The following KCNQ1OT1 variants were observed in gnomAD, a reference collection of about 807,000 sequenced individuals.
KCNQ1OT1 encodes the protein KCNQ1 opposite strand/antisense transcript 1.
In KCNQ1OT1 at chr11:2,621,299, A is replaced by T. The variant is rs1849168388; in HGVS notation, n.78696T>A. On this transcript the variant is annotated non_coding_transcript_exon_variant, in exon 1 of 1. Coordinates refer to ENST00000597346, the Ensembl canonical transcript of KCNQ1OT1. The surrounding 1 kb of genome is among the most constrained non-coding windows in gnomAD (Gnocchi z 5.7). ...GGCCTCATTATTTGCATTTCTGATT[A>T]TTAGTGATCATGAGAATGTTTTTTT... 1 of 398,512 alleles carries T rather than the reference A, an allele frequency of 2.5e-6. No homozygotes were observed. Among genetic ancestry groups the T allele is most frequent in the East Asian group, 3.6e-5 (1 of 28,074 alleles). The allele number at this position is 398,512 out of a possible 1,614,324, so 24.7% of individuals were successfully genotyped here.
In KCNQ1OT1 at chr11:2,660,182, T is replaced by C. The variant is rs570902721; in HGVS notation, n.39813A>G. 13 of 397,996 alleles carry C rather than the reference T, an allele frequency of 3.3e-5. 1 individual carries two copies. Among genetic ancestry groups the C allele is most frequent in the African/African-American group, 1.4e-4 (7 of 48,358 alleles). The allele number at this position is 397,996 out of a possible 1,614,324, so 24.7% of individuals were successfully genotyped here. On this transcript the variant is annotated non_coding_transcript_exon_variant, in exon 1 of 1. Transcript: ENST00000597346. ...AGATATTTTATGGTTTTATGTTTTA[T>C]TTTAGATTTTTTTTCAGTAAGTTTG...
Position 2,647,765 on chromosome 11 carries a change from T to G in KCNQ1OT1, n.52230A>C, listed in dbSNP as rs1428334787. ...GAATTTATCTCTTTCCTCTAGGTTT[T>G]CTAATTGTTGACATATAGTTGTTCA... On this transcript the variant is annotated non_coding_transcript_exon_variant, in exon 1 of 1. Coordinates refer to ENST00000597346, the Ensembl canonical transcript of KCNQ1OT1. This position sits in a 1 kb window ranked among gnomAD's most constrained non-coding sequence, Gnocchi z 4.0. The G allele has an allele frequency of 5.0e-6, 2 of 398,466 alleles. No homozygotes were observed. The highest frequency in any genetic ancestry group is 4.4e-6 in the Non-Finnish European group (1 of 226,050). 24.7% of individuals were successfully genotyped at this position (398,466 alleles called of 1,614,324 possible).
chr11:2,639,154 T>G (rs1849528207), exon 1 of KCNQ1OT1: 1 of 152,260 alleles, frequency 6.6e-6, no homozygotes, highest in Non-Finnish European at 1.5e-5. Context: ...TTGCTTTGGG[T>G]TCGAACTTCC....
Position 2,674,146 on chromosome 11 carries a change from C to CA in KCNQ1OT1, n.25848dup, listed in dbSNP as rs1850243313. The CA allele has an allele frequency of 5.0e-6, 2 of 398,444 alleles. No homozygotes were observed. Among genetic ancestry groups the CA allele is most frequent in the Non-Finnish European group, 8.8e-6 (2 of 226,152 alleles). The allele number at this position is 398,444 out of a possible 1,614,324, so 24.7% of individuals were successfully genotyped here. A position where few individuals can be genotyped will look rare whatever the true frequency, so the allele number is the denominator to read the frequency against. Reference sequence around the variant, plus strand: ...TTGCCGGGGCCACCCAGTGTGGGCTCAGGAAGGGAAGGAATGTGACCAAGG... The same window carrying CA: ...TTGCCGGGGCCACCCAGTGTGGGCTCAAGGAAGGGAAGGAATGTGACCAAGG... On this transcript the variant is annotated non_coding_transcript_exon_variant, in exon 1 of 1. Transcript: ENST00000597346. The surrounding 1 kb of genome is among the most constrained non-coding windows in gnomAD (Gnocchi z 5.9).
Position 2,698,758 on chromosome 11 carries a change from G to T in KCNQ1OT1, n.1237C>A. ...CCCTTGGATCTCAACTCAGAGCCAT[G>T]ATGCAGACTCCAGACCGGGATTCAG... On this transcript the variant is annotated non_coding_transcript_exon_variant, in exon 1 of 1. Transcript: ENST00000597346. This position sits in a 1 kb window ranked among gnomAD's most constrained non-coding sequence, Gnocchi z 5.1. The T allele has an allele frequency of 7.5e-6, 3 of 398,790 alleles. No homozygotes were observed. The highest frequency in any genetic ancestry group is 1.3e-5 in the Non-Finnish European group (3 of 226,146). 24.7% of individuals were successfully genotyped at this position (398,790 alleles called of 1,614,324 possible). A position where few individuals can be genotyped will look rare whatever the true frequency, so the allele number is the denominator to read the frequency against.
In KCNQ1OT1 at chr11:2,678,586, T is replaced by C. The variant is rs376010829; in HGVS notation, n.21409A>G. On this transcript the variant is annotated non_coding_transcript_exon_variant, in exon 1 of 1. Transcript: ENST00000597346. The surrounding 1 kb of genome is among the most constrained non-coding windows in gnomAD (Gnocchi z 4.9). ...ATTATGTAACTTTATGATGCACTTA[T>C]CTGTGTAGCAGGACTCCCCCTCATC... 1.5e-4 allele frequency: 61 copies of C among 398,528 alleles called. No individual in the cohort carries two copies. Among genetic ancestry groups the C allele is most frequent in the African/African-American group, 1.1e-3 (55 of 48,634 alleles). The allele number at this position is 398,528 out of a possible 1,614,324, so 24.7% of individuals were successfully genotyped here. A position where few individuals can be genotyped will look rare whatever the true frequency, so the allele number is the denominator to read the frequency against.
In KCNQ1OT1 at chr11:2,652,194, TG is replaced by T. The variant is rs1849768030; in HGVS notation, n.47800del. The T allele has an allele frequency of 2.5e-6, 1 of 398,512 alleles. No individual in the cohort carries two copies. Among genetic ancestry groups the T allele is most frequent in the Admixed American group, 4.4e-5 (1 of 22,718 alleles). 24.7% of individuals were successfully genotyped at this position (398,512 alleles called of 1,614,324 possible). A position where few individuals can be genotyped will look rare whatever the true frequency, so the allele number is the denominator to read the frequency against. On this transcript the variant is annotated non_coding_transcript_exon_variant, in exon 1 of 1. Coordinates refer to ENST00000597346, the Ensembl canonical transcript of KCNQ1OT1. The surrounding 1 kb of genome is among the most constrained non-coding windows in gnomAD (Gnocchi z 5.9). ...TGGGGCCCCAGCAGATGTCTGGATT[TG>T]GTAGCCAGGGCCTGGAGCCGGATGC...
chr11:2,655,865 T>A, exon 1 of KCNQ1OT1: 2 of 398,668 alleles, frequency 5.0e-6, no homozygotes. Context: ...AAAACAAATC[T>A]GTGGAGGCCT....
chr11:2,668,158 T>C lies in KCNQ1OT1; in HGVS notation n.31837A>G, dbSNP rs1308182692. The C allele has an allele frequency of 5.0e-6, 2 of 398,526 alleles. No individual in the cohort carries two copies. Among genetic ancestry groups the C allele is most frequent in the Non-Finnish European group, 8.8e-6 (2 of 226,094 alleles). 24.7% of individuals were successfully genotyped at this position (398,526 alleles called of 1,614,324 possible). On this transcript the variant is annotated non_coding_transcript_exon_variant, in exon 1 of 1. Transcript: ENST00000597346. This position sits in a 1 kb window ranked among gnomAD's most constrained non-coding sequence, Gnocchi z 4.3. Reference sequence around the variant, plus strand: ...ATGGGGCTGAAGGGAGAGTGCTCCCTCATGCTCCTTGCTGACTGGTGCTCC... The same window carrying C: ...ATGGGGCTGAAGGGAGAGTGCTCCCCCATGCTCCTTGCTGACTGGTGCTCC...
rs1263113957 is a variant in KCNQ1OT1, at chr11:2,669,038, G to A, written n.30957C>T. On this transcript the variant is annotated non_coding_transcript_exon_variant, in exon 1 of 1. Coordinates refer to ENST00000597346, the Ensembl canonical transcript of KCNQ1OT1. The surrounding 1 kb of genome is among the most constrained non-coding windows in gnomAD (Gnocchi z 5.6). ...GGATATCCAGTCTAGCTCAGCACCCGGCATGGGAAGGCCCGTCCTCTCCCA... is the reference window on the plus strand; with the variant it reads ...GGATATCCAGTCTAGCTCAGCACCCAGCATGGGAAGGCCCGTCCTCTCCCA... The A allele has an allele frequency of 1.3e-5, 5 of 398,606 alleles. No homozygotes were observed. The highest frequency in any genetic ancestry group is 3.6e-5 in the East Asian group (1 of 28,080). The allele number at this position is 398,606 out of a possible 1,614,324, so 24.7% of individuals were successfully genotyped here.
Position 2,652,617 on chromosome 11 carries a change from T to C in KCNQ1OT1, n.47378A>G, listed in dbSNP as rs1590007717. 1.0e-5 allele frequency: 4 copies of C among 398,580 alleles called. No individual in the cohort carries two copies. In the East Asian group the frequency reaches 1.4e-4, roughly 14 times the overall value. The allele number at this position is 398,580 out of a possible 1,614,324, so 24.7% of individuals were successfully genotyped here. A position where few individuals can be genotyped will look rare whatever the true frequency, so the allele number is the denominator to read the frequency against. ...CCTGGAACCTTCCCCTGAAAATGTG[T>C]CTTGGGAGACCTAGACAGTGACTTC... On this transcript the variant is annotated non_coding_transcript_exon_variant, in exon 1 of 1. Transcript: ENST00000597346. The surrounding 1 kb of genome is among the most constrained non-coding windows in gnomAD (Gnocchi z 5.9).
Position 2,682,160 on chromosome 11 carries a change from A to C in KCNQ1OT1, n.17835T>G. ...ATCAAATATTCTTTCAGTATTAAAC[A>C]TATCAAGCTCTCTCCTGACCTTCTC... On this transcript the variant is annotated non_coding_transcript_exon_variant, in exon 1 of 1. Coordinates refer to ENST00000597346, the Ensembl canonical transcript of KCNQ1OT1. This position sits in a 1 kb window ranked among gnomAD's most constrained non-coding sequence, Gnocchi z 5.8. The C allele has an allele frequency of 2.5e-6, 1 of 398,628 alleles. No homozygotes were observed. 24.7% of individuals were successfully genotyped at this position (398,628 alleles called of 1,614,324 possible).
rs933879666 is a variant in KCNQ1OT1, at chr11:2,659,777, A to AT, written n.40217dup. 7.6e-5 allele frequency: 30 copies of AT among 394,238 alleles called. No individual in the cohort carries two copies. Among genetic ancestry groups the AT allele is most frequent in the African/African-American group, 1.5e-4 (7 of 48,114 alleles). 24.4% of individuals were successfully genotyped at this position (394,238 alleles called of 1,614,324 possible). Reference sequence around the variant, plus strand: ...AGTGGTTGGTATTGTCAGGTTTTGAATTTTTTTTTTAATTTATGGAATTTC... The same window carrying AT: ...AGTGGTTGGTATTGTCAGGTTTTGAATTTTTTTTTTTAATTTATGGAATTTC... On this transcript the variant is annotated non_coding_transcript_exon_variant, in exon 1 of 1. Coordinates refer to ENST00000597346, the Ensembl canonical transcript of KCNQ1OT1. The surrounding 1 kb of genome is among the most constrained non-coding windows in gnomAD (Gnocchi z 4.3).
At chr11:2,643,625 G>A in exon 1 of KCNQ1OT1, 1 of 398,500 alleles carries the variant, frequency 2.5e-6, no homozygotes, top group Non-Finnish European at 4.4e-6. Flanking sequence ...CTTTTAAGTA[G>A]AAAGTTTAAT....
Position 2,673,981 on chromosome 11 carries a change from G to A in KCNQ1OT1, n.26014C>T. On this transcript the variant is annotated non_coding_transcript_exon_variant, in exon 1 of 1. Coordinates refer to ENST00000597346, the Ensembl canonical transcript of KCNQ1OT1. The surrounding 1 kb of genome is among the most constrained non-coding windows in gnomAD (Gnocchi z 4.5). ...GCCACAAGGGGATGCCCAGCATTGG[G>A]GGTGGGGTGGGGGGAGGGCCCTCCG... The A allele has an allele frequency of 5.3e-6, 1 of 190,284 alleles. No homozygotes were observed. 11.8% of individuals were successfully genotyped at this position (190,284 alleles called of 1,614,324 possible). A position where few individuals can be genotyped will look rare whatever the true frequency, so the allele number is the denominator to read the frequency against.
chr11:2,626,325 G>C lies in KCNQ1OT1; in HGVS notation n.73670C>G. Reference sequence around the variant, plus strand: ...GAGTTAATTTTTGTGTATGGTATTAGGTAAGGGTCTCAACTTCAGTTATCC... The same window carrying C: ...GAGTTAATTTTTGTGTATGGTATTACGTAAGGGTCTCAACTTCAGTTATCC... On this transcript the variant is annotated non_coding_transcript_exon_variant, in exon 1 of 1. Transcript: ENST00000597346. The surrounding 1 kb of genome is among the most constrained non-coding windows in gnomAD (Gnocchi z 4.0). 1 of 398,496 alleles carries C rather than the reference G, an allele frequency of 2.5e-6. No individual in the cohort carries two copies. The highest frequency in any genetic ancestry group is 4.4e-6 in the Non-Finnish European group (1 of 226,038). The allele number at this position is 398,496 out of a possible 1,614,324, so 24.7% of individuals were successfully genotyped here.
exon 1 of KCNQ1OT1, chr11:2,629,429 C>A (rs1483377074): frequency 2.5e-6 from 1 of 398,140 alleles, no homozygotes; most frequent in Non-Finnish European, 4.4e-6. Flanking sequence ...CAGTTTTTGC[C>A]CCATGTTTTC....
Position 2,657,787 on chromosome 11 carries a change from A to G in KCNQ1OT1, n.42208T>C, listed in dbSNP as rs1244380259. On this transcript the variant is annotated non_coding_transcript_exon_variant, in exon 1 of 1. Coordinates refer to ENST00000597346, the Ensembl canonical transcript of KCNQ1OT1. The surrounding 1 kb of genome is among the most constrained non-coding windows in gnomAD (Gnocchi z 4.8). ...TTCATTAACTTGACACTTTTGAAGAATACCAGTCAGGTGTCATTGTCCCTC... is the reference window on the plus strand; with the variant it reads ...TTCATTAACTTGACACTTTTGAAGAGTACCAGTCAGGTGTCATTGTCCCTC... 3 of 398,520 alleles carry G rather than the reference A, an allele frequency of 7.5e-6. No homozygotes were observed. The highest frequency in any genetic ancestry group is 1.3e-5 in the Non-Finnish European group (3 of 226,086). The allele number at this position is 398,520 out of a possible 1,614,324, so 24.7% of individuals were successfully genotyped here.
rs545847270 is a variant in KCNQ1OT1 at position 2,613,336 on chromosome 11, C to T, written n.86659G>A. The T allele has an allele frequency of 2.5e-5, 10 of 398,412 alleles. No homozygotes were observed. Among genetic ancestry groups the T allele is most frequent in the South Asian group, 2.5e-4 (2 of 7,848 alleles). 24.7% of individuals were successfully genotyped at this position (398,412 alleles called of 1,614,324 possible). A position where few individuals can be genotyped will look rare whatever the true frequency, so the allele number is the denominator to read the frequency against. On this transcript the variant is annotated non_coding_transcript_exon_variant, in exon 1 of 1. Transcript: ENST00000597346. This position sits in a 1 kb window ranked among gnomAD's most constrained non-coding sequence, Gnocchi z 4.8. ...CCTTTTAAAATTTTTCTTAATCTGT[C>T]GCTTGCCCAACCAGTATTGAAACAT...
Sources: gnomAD v4.1 joint callset for allele counts on GRCh38, gnomAD v4.1.1 for gene constraint, Gnocchi (gnomAD v3.1) non-coding constraint, MANE v1.5 for transcripts, NCBI Gene and HGNC (gene_info 2026-07-23, HGNC 2026-07-21) for gene names.